TMEM132D: variants seen among roughly 807,000 people sequenced by gnomAD.
TMEM132D encodes mature OL transmembrane protein.
A neutral mutation model predicts 62.3 loss-of-function variants in TMEM132D; 21 were observed. The observed-to-expected ratio is 0.34, with a 90% confidence interval of 0.24 to 0.49. The LOEUF is 0.49. Among genes scored for constraint, TMEM132D ranks in the 20% least tolerant of loss-of-function variants. The pLI, the probability that TMEM132D is intolerant of heterozygous loss-of-function variation, is 0.99. For missense variants in TMEM132D, 1,346 were observed against 1,402.8 expected (o/e 0.96, Z 0.65); for synonymous variants, 621 against 575.6 (o/e 1.08, Z -1.13).
At chr12:129,176,987 C>T (rs12424766) in intron 5 of TMEM132D, among the ~76,000 whole-genome samples, 49,528 of 152,142 alleles carry the variant, frequency 0.33, 8,578 homozygotes, top group East Asian at 0.57. Flanking sequence ...CCGTCTTGAC[C>T]GCGCTTCAGG....
intron 3 of TMEM132D, among the ~76,000 whole-genome samples, chr12:129,425,633 T>C (rs906742277): frequency 6.6e-6 from 1 of 152,214 alleles, no homozygotes; most frequent in Non-Finnish European, 1.5e-5. Context: ...GAGTGGAATG[T>C]TGCTCCTATC....
chr12:129,380,671 C>A (rs1365775140), intron 3 of TMEM132D, among the ~76,000 whole-genome samples: 1 of 152,090 alleles, frequency 6.6e-6, no homozygotes, highest in Non-Finnish European at 1.5e-5. Context: ...GTTCTATCCC[C>A]ACAAGGCTCC....
At chr12:129,292,613 A>G (rs1881477816) in intron 4 of TMEM132D, among the ~76,000 whole-genome samples, 1 of 152,214 alleles carries the variant, frequency 6.6e-6, no homozygotes, top group Non-Finnish European at 1.5e-5. Context: ...CCTGCCACCT[A>G]TTATTGTTAA....
chr12:129,463,465 T>TGTA lies in TMEM132D; in HGVS notation c.1115+67593_1115+67594insTAC, dbSNP rs1469195752. Among the ~76,000 whole-genome samples, 767 of 89,662 alleles carry TGTA rather than the reference T, an allele frequency of 8.6e-3. 2 individuals carry two copies. The highest frequency in any genetic ancestry group is 0.013 in the East Asian group (42 of 3,302). The allele number at this position is 89,662 out of a possible 152,430, so 58.8% of individuals were successfully genotyped here. On this transcript the variant is annotated intron_variant, in intron 3 of 8. Transcript: ENST00000422113. ...ATTTATTTATTTATTTATTTATTTATTTATGTATTATTATTATTATTATTA... is the reference window on the plus strand; with the variant it reads ...ATTTATTTATTTATTTATTTATTTATGTATTATGTATTATTATTATTATTATTA...
intron 1 of TMEM132D, among the ~76,000 whole-genome samples, chr12:129,831,737 C>G (rs1020039272): frequency 4.6e-5 from 7 of 152,154 alleles, no homozygotes; most frequent in Non-Finnish European, 8.8e-5. Context: ...TACTGACCAG[C>G]AGAAAAACTG....
chr12:129,749,533 T>C (rs549079089), intron 1 of TMEM132D, among the ~76,000 whole-genome samples: 1 of 151,008 alleles, frequency 6.6e-6, no homozygotes, highest in East Asian at 2.0e-4. Flanking sequence ...CTCAGCTCAC[T>C]GCAACCTCCA....
At chr12:129,403,990 G>A (rs1289864389) in intron 3 of TMEM132D, among the ~76,000 whole-genome samples, 1 of 152,078 alleles carries the variant, frequency 6.6e-6, no homozygotes, top group Admixed American at 6.6e-5. Flanking sequence ...GGAGAGAAAT[G>A]AGAAAATAAG....
intron 2 of TMEM132D, among the ~76,000 whole-genome samples, chr12:129,697,086 C>T (rs950638542): frequency 2.0e-5 from 3 of 152,310 alleles, no homozygotes; most frequent in East Asian, 1.9e-4. Context: ...ATCACAGGCA[C>T]GCCGCCGGGG....
At position 129,265,345 on chromosome 12, in the gene TMEM132D, T is replaced by A. The variant is rs77869317; in HGVS notation, c.1300-55682A>T. 1.2e-4 allele frequency among the ~76,000 whole-genome samples: 18 copies of A among 152,272 alleles called. No homozygotes were observed. The East Asian group carries it at 3.5e-3, about 30-fold the overall frequency. On this transcript the variant is annotated intron_variant, in intron 4 of 8. Coordinates refer to ENST00000422113, the MANE Select transcript of TMEM132D (RefSeq NM_133448.3). ...GGAAGCTAAAAGAACAAATGTCCAG[T>A]GTTGTGGTAGATGGGGGAGCCAAGG... is the stretch of plus-strand genomic sequence containing the variant.
chr12:129,105,262 A>C (rs1241399423), intron 5 of TMEM132D, among the ~76,000 whole-genome samples: 1 of 145,802 alleles, frequency 6.9e-6, no homozygotes, highest in Non-Finnish European at 1.5e-5. Flanking sequence ...ATGAAATTGG[A>C]AATCATCATT....
intron 3 of TMEM132D, among the ~76,000 whole-genome samples, chr12:129,456,296 A>C (rs1873463109): frequency 6.6e-6 from 1 of 152,160 alleles, no homozygotes; most frequent in Admixed American, 6.5e-5. Context: ...TCACTCAGCA[A>C]ACGTTACCTG....
chr12:129,169,565 C>T (rs1877663043), intron 5 of TMEM132D, among the ~76,000 whole-genome samples: 2 of 152,196 alleles, frequency 1.3e-5, no homozygotes, highest in Non-Finnish European at 2.9e-5. Context: ...GTTCTGTTAT[C>T]TTCTATCTGA....
intron 2 of TMEM132D, among the ~76,000 whole-genome samples, chr12:129,600,573 C>T (rs1878459056): frequency 6.6e-6 from 1 of 152,164 alleles, no homozygotes; most frequent in Non-Finnish European, 1.5e-5. Context: ...ATAGCCTTAT[C>T]AAAGGTATGA....
At chr12:129,510,326 A>G (rs1478716565) in intron 3 of TMEM132D, among the ~76,000 whole-genome samples, 1 of 152,046 alleles carries the variant, frequency 6.6e-6, no homozygotes, top group African/African-American at 2.4e-5. Flanking sequence ...TTTTTTCCCT[A>G]TAGAGTTGTT....
intron 1 of TMEM132D, among the ~76,000 whole-genome samples, chr12:129,794,090 T>C (rs1433051497): frequency 6.6e-6 from 1 of 151,240 alleles, no homozygotes; most frequent in Non-Finnish European, 1.5e-5. Context: ...TTTTTTTTCT[T>C]TTTTTTAATT....
chr12:129,717,870 T>C (rs1316900648), intron 1 of TMEM132D, among the ~76,000 whole-genome samples: 1 of 152,130 alleles, frequency 6.6e-6, no homozygotes, highest in African/African-American at 2.4e-5. Context: ...GTTGTGAATG[T>C]CTCAAGTGCG....
rs900026070 is a variant in TMEM132D, at chr12:129,081,671, A to G, written c.1923+88T>C. The G allele has an allele frequency of 1.5e-5, 23 of 1,486,586 alleles. No homozygotes were observed. In the Admixed American group the frequency reaches 4.4e-4, roughly 28 times the overall value. 92.1% of individuals were successfully genotyped at this position (1,486,586 alleles called of 1,614,324 possible). A position where few individuals can be genotyped will look rare whatever the true frequency, so the allele number is the denominator to read the frequency against. ...CTAAAAATAGATACCATTCCCAGCA[A>G]TGACAAACAGCTGGTTTCTCCTCTA... On this transcript the variant is annotated intron_variant, in intron 7 of 8. Transcript: ENST00000422113.
intron 1 of TMEM132D, among the ~76,000 whole-genome samples, chr12:129,858,839 C>G (rs1357290121): frequency 8.6e-6 from 1 of 115,708 alleles, no homozygotes; most frequent in Non-Finnish European, 1.8e-5. Flanking sequence ...TCCGGGGGAG[C>G]GGGATGGGTG....
chr12:129,606,422 G>A (rs562887906), intron 2 of TMEM132D, among the ~76,000 whole-genome samples: 2 of 152,242 alleles, frequency 1.3e-5, no homozygotes, highest in African/African-American at 4.8e-5. Flanking sequence ...CAGCCCCGGA[G>A]CCACACAGAG....
Sources: allele counts gnomAD v4.1 joint callset (sites outside exome capture counted in the v4.1 genomes callset), GRCh38; gene constraint gnomAD v4.1.1; transcripts MANE v1.5; gene names NCBI Gene and HGNC (gene_info 2026-07-23, HGNC 2026-07-21).